The following TGFB1 variants were observed in gnomAD, a reference collection of about 807,000 sequenced individuals.
TGFB1 encodes the protein transforming growth factor beta 1.
Under a neutral mutation model 43.8 loss-of-function variants are expected in TGFB1, and 19 were observed. That is an observed-to-expected ratio of 0.43 (90% confidence interval 0.30 to 0.64). The LOEUF is 0.64. TGFB1 is among the 30% of genes least tolerant of loss of function. TGFB1 has a pLI of 0.11. For synonymous variants in TGFB1, 221 were observed against 236.3 expected, an observed-to-expected ratio of 0.94 and a Z score of 0.60; for missense variants, 445 against 529.8, an observed-to-expected ratio of 0.84 and a Z score of 1.57.
rs779260857 is a variant in TGFB1, at chr19:41,344,838, G to A, written c.543C>T (p.Tyr181=). ...YQKYSNNSWR[Y]LSNRLLAPSD... is the part of the protein sequence containing the mutation. ...TGGGTGCCAGCAGCCGGTTGCTGAG[G>A]TATCGCCAGGAATTGTTGCTGTATT... is the stretch of plus-strand genomic sequence containing the variant. Residue 181 remains tyrosine (Y), a synonymous_variant, in exon 3 of 7, where the codon TAC becomes TAT. Coordinates refer to ENST00000221930, the MANE Select transcript of TGFB1 (RefSeq NM_000660.7). The A allele has an allele frequency of 5.6e-6, 9 of 1,600,998 alleles. No individual in the cohort carries two copies. The highest frequency in any genetic ancestry group is 4.5e-5 in the East Asian group (2 of 44,522).
chr19:41,346,881 A>G (rs1902673240), intron 2 of TGFB1, among the ~76,000 whole-genome samples: 1 of 151,900 alleles, frequency 6.6e-6, no homozygotes, highest in African/African-American at 2.4e-5. Context: ...GCCTGCCACC[A>G]CACCTGGCTA....
rs202071274 is a variant in TGFB1, at chr19:41,348,400, T to A, written c.411A>T (p.Thr137=). 35 of 1,613,426 alleles carry A rather than the reference T, an allele frequency of 2.2e-5. No individual in the cohort carries two copies. In the African/African-American group the frequency reaches 4.4e-4, roughly 20 times the overall value. ...STHSIYMFFN[T]SELREAVPEP... ...CAGGTACCGCTTCTCGGAGCTCTGATGTGTTGAAGAACATATATATGCTGT... is the reference window on the plus strand; with the variant it reads ...CAGGTACCGCTTCTCGGAGCTCTGAAGTGTTGAAGAACATATATATGCTGT... The change falls in exon 2 of 7, where the codon ACA becomes ACT. Residue 137 remains threonine, a synonymous_variant. Transcript: ENST00000221930.
intron 1 of TGFB1, among the ~76,000 whole-genome samples, chr19:41,351,509 G>T (rs1383705935): frequency 6.6e-6 from 1 of 152,180 alleles, no homozygotes; most frequent in Non-Finnish European, 1.5e-5. Flanking sequence ...TCCGCCGGGG[G>T]CATGGGAAGG....
At chr19:41,348,574 CT>C (rs869100783) in intron 1 of TGFB1, 119 bp from the exon 2 acceptor site, 1 of 458,016 alleles carries the variant, frequency 2.2e-6, no homozygotes, top group Non-Finnish European at 3.5e-6. Flanking sequence ...TCTCTGATAC[CT>C]TTTATTTATT....
chr19:41,351,665 C>A (rs80224671), intron 1 of TGFB1, among the ~76,000 whole-genome samples: 1 of 152,156 alleles, frequency 6.6e-6, no homozygotes, highest in Non-Finnish European at 1.5e-5. Flanking sequence ...CTCCTCCCCC[C>A]GCGCGTGGCA....
At chr19:41,334,762 A>G (rs911262754) in intron 5 of TGFB1, among the ~76,000 whole-genome samples, 1 of 151,766 alleles carries the variant, frequency 6.6e-6, no homozygotes, top group Admixed American at 6.6e-5. Context: ...GAGCCACAGA[A>G]GCCTGAGAAG....
intron 6 of TGFB1, 116 bp from the exon 7 acceptor site, chr19:41,331,326 C>T (rs1189890676): frequency 8.0e-7 from 1 of 1,257,362 alleles, no homozygotes; most frequent in Non-Finnish European, 1.1e-6. Flanking sequence ...TCTCTCCCCG[C>T]ATCCCCTCTT....
chr19:41,331,794 A>C (rs950825725), intron 6 of TGFB1, among the ~76,000 whole-genome samples: 6 of 150,190 alleles, frequency 4.0e-5, no homozygotes, highest in Non-Finnish European at 5.9e-5. Context: ...TCCTTGGCCT[A>C]ACTCTGTGTC....
chr19:41,351,611 G>A (rs1057480681), intron 1 of TGFB1, among the ~76,000 whole-genome samples: 6 of 152,192 alleles, frequency 3.9e-5, no homozygotes, highest in African/African-American at 1.2e-4. Context: ...GACTGCCAGC[G>A]TTTAGCGCAG....
intron 3 of TGFB1, among the ~76,000 whole-genome samples, chr19:41,343,180 G>A (rs1380356762): frequency 1.3e-5 from 2 of 150,848 alleles, no homozygotes; most frequent in South Asian, 2.1e-4. Context: ...TGTTGCCCAG[G>A]CTGGAGTGCA....
At chr19:41,349,697 T>C (rs2038160374) in intron 1 of TGFB1, among the ~76,000 whole-genome samples, 1 of 152,036 alleles carries the variant, frequency 6.6e-6, no homozygotes, top group Non-Finnish European at 1.5e-5. Context: ...GCAGAGGTTA[T>C]AGTGTGCCGA....
At chr19:41,338,463 T>C (rs2038014934) in intron 5 of TGFB1, among the ~76,000 whole-genome samples, 1 of 147,088 alleles carries the variant, frequency 6.8e-6, no homozygotes, top group African/African-American at 2.6e-5. Flanking sequence ...GCCATTACAC[T>C]CCAGCCTGAG....
chr19:41,332,590 G>A (rs944418737), intron 5 of TGFB1, among the ~76,000 whole-genome samples: 5 of 152,180 alleles, frequency 3.3e-5, no homozygotes, highest in African/African-American at 9.7e-5. Context: ...GCCACACCCT[G>A]GAACATACAA....
chr19:41,332,517 C>T (rs2037945001), intron 5 of TGFB1, among the ~76,000 whole-genome samples: 1 of 152,214 alleles, frequency 6.6e-6, no homozygotes. Flanking sequence ...TCACGCAATG[C>T]TTAAGACAAG....
chr19:41,332,359 G>A, intron 5 of TGFB1, 78 bp from the exon 6 acceptor site: 4 of 1,531,790 alleles, frequency 2.6e-6, no homozygotes, highest in Admixed American at 1.9e-5. Flanking sequence ...CCCCAGGTGC[G>A]TGTGTCACCC....
intron 3 of TGFB1, 36 bp from the exon 4 acceptor site, chr19:41,342,283 T>C: frequency 6.4e-7 from 1 of 1,561,992 alleles, no homozygotes; most frequent in Non-Finnish European, 8.7e-7. Context: ...AGTCTGAGAG[T>C]GCAGCTCACC....
chr19:41,349,554 C>T (rs1395972202), intron 1 of TGFB1, among the ~76,000 whole-genome samples: 1 of 152,152 alleles, frequency 6.6e-6, no homozygotes, highest in East Asian at 1.9e-4. Context: ...GTCGGGAGTT[C>T]GAGACCAGCC....
chr19:41,332,244 T>C lies in TGFB1; in HGVS notation c.898A>G (p.Ile300Val), dbSNP rs2123080467. Reference sequence around the variant, plus strand: ...CAGCCGAGGTCCTTGCGGAAGTCAATGTACAGCTGCCGCACGCAGCAGTTC... The same window carrying C: ...CAGCCGAGGTCCTTGCGGAAGTCAACGTACAGCTGCCGCACGCAGCAGTTC... ...EKNCCVRQLY[I>V]DFRKDLGWKW... Residue 300 changes from isoleucine to valine, a missense_variant, in exon 6 of 7, where the codon ATT (isoleucine) becomes GTT (valine). Ile to Val is a conservative substitution (Grantham distance 29, BLOSUM62 3). This residue lies in a region of TGFB1 where 366 missense variants were observed against 428.8 expected (regional missense o/e 0.85). Coordinates refer to ENST00000221930, the MANE Select transcript of TGFB1 (RefSeq NM_000660.7). 2.5e-6 allele frequency: 4 copies of C among 1,614,116 alleles called. No individual in the cohort carries two copies. The highest frequency in any genetic ancestry group is 4.5e-5 in the East Asian group (2 of 44,874).
At chr19:41,349,404 C>G (rs1177817667) in intron 1 of TGFB1, among the ~76,000 whole-genome samples, 1 of 152,156 alleles carries the variant, frequency 6.6e-6, no homozygotes, top group Non-Finnish European at 1.5e-5. Flanking sequence ...AATTAGATGA[C>G]CCAGGTCAAG....
Sources: gnomAD v4.1 joint callset for allele counts (sites outside exome capture counted in the v4.1 genomes callset) on GRCh38, gnomAD v4.1.1 for gene constraint, gnomAD v4.1.1 regional missense constraint, MANE v1.5 for transcripts, NCBI Gene and HGNC (gene_info 2026-07-23, HGNC 2026-07-21) for gene names.